EBLN1: variants seen among roughly 807,000 people sequenced by gnomAD.
The protein encoded by EBLN1 is endogenous Bornavirus-like nucleoprotein 1.
In EBLN1, 1 loss-of-function variant was observed where a neutral mutation model predicts 0.8. The ratio of observed to expected loss-of-function variants is 1.32; its 90% CI spans 0.47 to 6.26. The LOEUF is 6.26. Among genes scored for constraint, EBLN1 ranks in the 30% most tolerant of loss-of-function variants. The pLI is 0.15. For synonymous variants in EBLN1, 158 were observed against 158.5 expected (o/e 1.00, Z 0.02); for missense variants, 396 against 447.9 (o/e 0.88, Z 1.05).
In EBLN1 at chr10:22,209,107, G is replaced by T. The variant is rs1461315555; in HGVS notation, c.877C>A (p.Leu293Ile). 12 of 1,536,298 alleles carry T rather than the reference G, an allele frequency of 7.8e-6. No individual in the cohort carries two copies. The highest frequency in any genetic ancestry group is 1.0e-5 in the Non-Finnish European group (12 of 1,146,904). The change falls in exon 3 of 3, where the codon CTA (leucine) becomes ATA (isoleucine). Residue 293 changes from leucine to isoleucine, a missense_variant. Physicochemically the swap from Leu to Ile is conservative, Grantham distance 5 (BLOSUM62 2). Transcript: ENST00000422359. ...AGGTTTGGGAACATTTGTGGTGATA[G>T]CACCCCAATAACAGGGTGGCGAAGT... ...GVLRHPVIGVLSPQMFPNLAT... is the reference protein window; with the variant it reads ...GVLRHPVIGVISPQMFPNLAT...
In EBLN1 at chr10:22,209,376, C is replaced by T; in HGVS notation, c.608G>A (p.Gly203Glu). Residue 203 changes from glycine (G) to glutamate (E), a missense_variant, in exon 3 of 3, where the codon GGA becomes GAA. Gly to Glu is a moderately conservative substitution (Grantham distance 98, BLOSUM62 -2). Transcript: ENST00000422359. ...AAATAGAAATGTGAACATTAATCCTCCAACCCATGGTCTTGAGTTGATCCA... is the reference window on the plus strand; with the variant it reads ...AAATAGAAATGTGAACATTAATCCTTCAACCCATGGTCTTGAGTTGATCCA... ...IDWINSRPWV[G>E]GLMFTFLFGE... The T allele has an allele frequency of 6.2e-7, 1 of 1,605,520 alleles. No homozygotes were observed. The highest frequency in any genetic ancestry group is 8.5e-7 in the Non-Finnish European group (1 of 1,179,842).
rs60534502 is a variant in EBLN1, at chr10:22,212,803, GT to G, written c.-45+38del. 7.5e-4 allele frequency among the ~76,000 whole-genome samples: 109 copies of G among 145,690 alleles called. 1 individual carries two copies. In the East Asian group the frequency reaches 0.015, roughly 20 times the overall value. On this transcript the variant is annotated intron_variant, in intron 2 of 2. Transcript: ENST00000422359. ...CATCTCTTAAAAAAAAAAAAGTTGT[GT>G]TTTTTTTTTTAAATTAGCTGGGCAT...
In EBLN1 at chr10:22,209,862, G is replaced by A; in HGVS notation, c.122C>T (p.Ala41Val). Reference sequence around the variant, plus strand: ...ACCAGGTTGGGGCTCCAATGCATCTGCTGGATACTGTCTGCTCTTCCCAGA... The same window carrying A: ...ACCAGGTTGGGGCTCCAATGCATCTACTGGATACTGTCTGCTCTTCCCAGA... ...ELSGKSRQYP[A>V]DALEPQPGIG... is the part of the protein sequence containing the mutation. The change falls in exon 3 of 3, where the codon GCA becomes GTA. Residue 41 changes from alanine (A) to valine (V), a missense_variant. Ala to Val is a moderately conservative substitution (Grantham distance 64). Transcript: ENST00000422359. 1.3e-6 allele frequency: 2 copies of A among 1,523,908 alleles called. No individual in the cohort carries two copies. Among genetic ancestry groups the A allele is most frequent in the Non-Finnish European group, 1.8e-6 (2 of 1,141,822 alleles). 94.4% of individuals were successfully genotyped at this position (1,523,908 alleles called of 1,614,324 possible).
intron 1 of EBLN1, among the ~76,000 whole-genome samples, chr10:22,215,229 T>C (rs1458350769): frequency 6.6e-6 from 1 of 152,228 alleles, no homozygotes; most frequent in Non-Finnish European, 1.5e-5. Flanking sequence ...TGGTGATGGT[T>C]GCACAACCCT....
At chr10:22,215,854 G>A (rs1032980366) in intron 1 of EBLN1, among the ~76,000 whole-genome samples, 1 of 152,020 alleles carries the variant, frequency 6.6e-6, no homozygotes, top group African/African-American at 2.4e-5. Flanking sequence ...ATATGTACTG[G>A]ATGAAATATT....
chr10:22,209,853 A>C lies in EBLN1; in HGVS notation c.131T>G (p.Leu44Trp). 6.5e-7 allele frequency: 1 copy of C among 1,527,974 alleles called. No homozygotes were observed. The highest frequency in any genetic ancestry group is 1.2e-5 in the South Asian group (1 of 82,424). 94.7% of individuals were successfully genotyped at this position (1,527,974 alleles called of 1,614,324 possible). A position where few individuals can be genotyped will look rare whatever the true frequency, so the allele number is the denominator to read the frequency against. ...ATCTCCAATACCAGGTTGGGGCTCCAATGCATCTGCTGGATACTGTCTGCT... is the reference window on the plus strand; with the variant it reads ...ATCTCCAATACCAGGTTGGGGCTCCCATGCATCTGCTGGATACTGTCTGCT... ...GKSRQYPADALEPQPGIGDVK... is the reference protein window; with the variant it reads ...GKSRQYPADAWEPQPGIGDVK... Residue 44 changes from leucine (L) to tryptophan (W), a missense_variant, in exon 3 of 3, where the codon TTG becomes TGG. Physicochemically the swap from Leu to Trp is moderately conservative, Grantham distance 61. Transcript: ENST00000422359.
chr10:22,217,089 T>C (rs955013056), intron 1 of EBLN1, among the ~76,000 whole-genome samples: 10 of 152,164 alleles, frequency 6.6e-5, no homozygotes, highest in African/African-American at 2.4e-4. Context: ...AATAAATACA[T>C]ACTCAGAAAT....
chr10:22,217,559 T>C (rs972545249), intron 1 of EBLN1, among the ~76,000 whole-genome samples: 1 of 152,246 alleles, frequency 6.6e-6, no homozygotes, highest in East Asian at 1.9e-4. Context: ...TTCAACTGCA[T>C]TGTTATTTTT....
chr10:22,209,625 T>G lies in EBLN1; in HGVS notation c.359A>C (p.Lys120Thr). The change falls in exon 3 of 3, where the codon AAA (lysine) becomes ACA (threonine). Residue 120 changes from lysine (K) to threonine (T), a missense_variant. Transcript: ENST00000422359. Reference sequence around the variant, plus strand: ...GAAGGTAGGCAAAACATCTTCAAATTTGCTAGCATAGAGAGTACCTGTTTC... The same window carrying G: ...GAAGGTAGGCAAAACATCTTCAAATGTGCTAGCATAGAGAGTACCTGTTTC... ...NKETGTLYAS[K>T]FEDVLPTFTA... The G allele has an allele frequency of 6.5e-7, 1 of 1,535,946 alleles. No homozygotes were observed. Among genetic ancestry groups the G allele is most frequent in the East Asian group, 2.4e-5 (1 of 40,928 alleles).
rs1198314117 is a variant in EBLN1, at chr10:22,208,604, C to T, written c.*279G>A. ...TGAAGAATAAAATAAAAACTCCCCA[C>T]GTGACTACAGAAAACATTTCAATTA... is the stretch of plus-strand genomic sequence containing the variant. On this transcript the variant is annotated 3_prime_UTR_variant, in exon 3 of 3. Transcript: ENST00000422359. 3.9e-5 allele frequency among the ~76,000 whole-genome samples: 6 copies of T among 152,288 alleles called. No individual in the cohort carries two copies. Among genetic ancestry groups the T allele is most frequent in the South Asian group, 2.1e-4 (1 of 4,828 alleles).
At chr10:22,211,620 T>G (rs1834755835) in intron 2 of EBLN1, among the ~76,000 whole-genome samples, 1 of 152,180 alleles carries the variant, frequency 6.6e-6, no homozygotes, top group African/African-American at 2.4e-5. Flanking sequence ...ACCCACAAAG[T>G]AGCTGAGACT....
At position 22,217,844 on chromosome 10, in the gene EBLN1, G is replaced by A. The variant is rs561739628; in HGVS notation, c.-169+72C>T. Reference sequence around the variant, plus strand: ...GAGGAGTAACTAGGTGTATTAGTCCGTTCTCACACTGCTGTAAATATACTA... The same window carrying A: ...GAGGAGTAACTAGGTGTATTAGTCCATTCTCACACTGCTGTAAATATACTA... On this transcript the variant is annotated intron_variant, in intron 1 of 2. Coordinates refer to ENST00000422359, the MANE Select transcript of EBLN1 (RefSeq NM_001394757.1). Among the ~76,000 whole-genome samples the A allele has an allele frequency of 7.9e-5, 12 of 152,302 alleles. 1 individual carries two copies. In the South Asian group the frequency reaches 2.1e-3, roughly 26 times the overall value.
chr10:22,217,642 A>G (rs1176339444), intron 1 of EBLN1, among the ~76,000 whole-genome samples: 2 of 152,214 alleles, frequency 1.3e-5, no homozygotes, highest in African/African-American at 4.8e-5. Flanking sequence ...ATAAATGACA[A>G]AAGCAGATAC....
intron 1 of EBLN1, among the ~76,000 whole-genome samples, chr10:22,214,154 C>T (rs1420398330): frequency 6.6e-6 from 1 of 151,956 alleles, no homozygotes; most frequent in Non-Finnish European, 1.5e-5. Flanking sequence ...TGCTGTTAGT[C>T]TTATACCATC....
chr10:22,209,414 C>T lies in EBLN1; in HGVS notation c.570G>A (p.Gly190=), dbSNP rs762309021. The T allele has an allele frequency of 5.0e-6, 8 of 1,603,196 alleles. No homozygotes were observed. The highest frequency in any genetic ancestry group is 6.8e-6 in the Non-Finnish European group (8 of 1,179,832). ...TTGAGTTGATCCAATCTATAGCTGG[C>T]CCTGCATTATAGCTAATTAATAAAT... ...SADLLISYNA[G]PAIDWINSRP... The change falls in exon 3 of 3, where the codon GGG becomes GGA. Residue 190 remains glycine (G), a synonymous_variant. Coordinates refer to ENST00000422359, the MANE Select transcript of EBLN1 (RefSeq NM_001394757.1).
intron 2 of EBLN1, among the ~76,000 whole-genome samples, chr10:22,211,553 C>T (rs12259047): frequency 0.026 from 3,989 of 152,006 alleles, 184 homozygotes; most frequent in African/African-American, 0.092. Flanking sequence ...AGTGCAGTGG[C>T]GCAATCTCAA....
chr10:22,216,831 C>T (rs192374183), intron 1 of EBLN1, among the ~76,000 whole-genome samples: 1 of 152,316 alleles, frequency 6.6e-6, no homozygotes, highest in Non-Finnish European at 1.5e-5. Flanking sequence ...ATCACGAGTA[C>T]TTCTTGCCCT....
rs115097048 is a variant in EBLN1 at position 22,209,191 on chromosome 10, C to G, written c.793G>C (p.Glu265Gln). The G allele has an allele frequency of 6.5e-7, 1 of 1,536,950 alleles. No individual in the cohort carries two copies. Among genetic ancestry groups the G allele is most frequent in the East Asian group, 2.4e-5 (1 of 40,980 alleles). Residue 265 changes from glutamate (E) to glutamine (Q), a missense_variant, in exon 3 of 3, where the codon GAG (glutamate) becomes CAG (glutamine). Coordinates refer to ENST00000422359, the MANE Select transcript of EBLN1 (RefSeq NM_001394757.1). ...TTTTTAGCCAGTGGTTTCTTCTGCT[C>G]AAAAACTGGAATCTCCAACACAACA... ...PAVVLEIPVF[E>Q]QKKPLAKKVL...
chr10:22,212,027 C>T (rs918927887), intron 2 of EBLN1, among the ~76,000 whole-genome samples: 3 of 152,116 alleles, frequency 2.0e-5, no homozygotes, highest in South Asian at 2.1e-4. Context: ...TAGGTATCTT[C>T]GGTTACTAAA....
Sources: allele counts gnomAD v4.1 joint callset (sites outside exome capture counted in the v4.1 genomes callset), GRCh38; gene constraint gnomAD v4.1.1; transcripts MANE v1.5; gene names NCBI Gene and HGNC (gene_info 2026-07-23, HGNC 2026-07-21).